RASA1: variants seen among roughly 807,000 people sequenced by gnomAD.
RASA1 encodes the protein ras GTPase-activating protein 1.
RASA1 carries 25 observed loss-of-function variants against 132.2 expected under a neutral mutation model. That is an observed-to-expected ratio of 0.19 (90% confidence interval 0.14 to 0.26). RASA1 has a LOEUF of 0.26. Among genes scored for constraint, RASA1 ranks in the 10% least tolerant of loss-of-function variants. The pLI is 1.00. For missense variants in RASA1, 964 were observed against 1,299.2 expected (o/e 0.74, Z 3.97); for synonymous variants, 477 against 449.9 (o/e 1.06, Z -0.76).
At chr5:87,342,694 CTG>C (rs1353096108) in intron 6 of RASA1, among the ~76,000 whole-genome samples, 1 of 152,088 alleles carries the variant, frequency 6.6e-6, no homozygotes, top group Non-Finnish European at 1.5e-5. Flanking sequence ...TTAGGGAAAA[CTG>C]TGGGAAGTAG....
At position 87,375,409 on chromosome 5, in the gene RASA1, C is replaced by T. The variant is rs1165750146; in HGVS notation, c.2011+493C>T. Among the ~76,000 whole-genome samples, 2 of 151,928 alleles carry T rather than the reference C, an allele frequency of 1.3e-5. 1 individual carries two copies. The highest frequency in any genetic ancestry group is 4.8e-5 in the African/African-American group (2 of 41,346). ...CTGAGTATCTGGGACTACAGGCGCC[C>T]GCCACCATACCTGGCTAAGTTTTGT... On this transcript the variant is annotated intron_variant, in intron 15 of 24. Coordinates refer to ENST00000274376, the MANE Select transcript of RASA1 (RefSeq NM_002890.3).
Position 87,268,145 on chromosome 5 carries a change from G to A in RASA1, c.-307G>A, listed in dbSNP as rs948234555. 2.3e-6 allele frequency: 1 copy of A among 438,296 alleles called. No homozygotes were observed. The highest frequency in any genetic ancestry group is 4.0e-6 in the Non-Finnish European group (1 of 248,752). The allele number at this position is 438,296 out of a possible 1,614,324, so 27.2% of individuals were successfully genotyped here. ...CTTCCTTTCCTCTTTAGTGCAGCGA[G>A]GAAGTTTTCGCTTCTGTACATGTGT... On this transcript the variant is annotated 5_prime_UTR_variant, in exon 1 of 25. Coordinates refer to ENST00000274376, the MANE Select transcript of RASA1 (RefSeq NM_002890.3).
rs1757730388 is a variant in RASA1, at chr5:87,333,285, C to T, written c.847C>T (p.Arg283Cys). The change falls in exon 4 of 25, where the codon CGT becomes TGT. Residue 283 changes from arginine to cysteine, a missense_variant. Physicochemically the swap from Arg to Cys is radical, Grantham distance 180. This residue lies in a region of RASA1 where 154 missense variants were observed against 286.5 expected (regional missense o/e 0.54). Coordinates refer to ENST00000274376, the MANE Select transcript of RASA1 (RefSeq NM_002890.3). ...TTTCTAGCCAGTAGAAGATAGAAGG[C>T]GTGTACGAGCTATTCTACCTTACAC... ...APPEPVEDRR[R>C]VRAILPYTKV... 1 of 1,612,108 alleles carries T rather than the reference C, an allele frequency of 6.2e-7. No individual in the cohort carries two copies. The highest frequency in any genetic ancestry group is 8.5e-7 in the Non-Finnish European group (1 of 1,179,288).
chr5:87,358,325 T>C (rs1307646310), intron 9 of RASA1, among the ~76,000 whole-genome samples: 1 of 152,246 alleles, frequency 6.6e-6, no homozygotes, highest in Non-Finnish European at 1.5e-5. Context: ...CTGTTTTTTA[T>C]ACATATTCAT....
In RASA1 at chr5:87,380,563, T is replaced by C. The variant is rs1319381841; in HGVS notation, c.2658T>C (p.Pro886=). 5.0e-6 allele frequency: 8 copies of C among 1,613,198 alleles called. No homozygotes were observed. The South Asian group carries it at 8.8e-5, about 18-fold the overall frequency. The change falls in exon 20 of 25, where the codon CCT becomes CCC. Residue 886 remains proline (P), a synonymous_variant. Transcript: ENST00000274376. ...AGAAATCTGTTCAGCATAAGTGGCCTACAAATACCACCATGAGAACAAGAG... is the reference window on the plus strand; with the variant it reads ...AGAAATCTGTTCAGCATAAGTGGCCCACAAATACCACCATGAGAACAAGAG... ...CLQKSVQHKW[P]TNTTMRTRVV... is the part of the protein sequence containing the mutation.
chr5:87,323,979 A>G (rs1418948342), intron 1 of RASA1, among the ~76,000 whole-genome samples: 1 of 152,126 alleles, frequency 6.6e-6, no homozygotes, highest in Non-Finnish European at 1.5e-5. Flanking sequence ...CTTTCCTGTC[A>G]TGGTGTTCTG....
chr5:87,301,814 A>G (rs554802734), intron 1 of RASA1, among the ~76,000 whole-genome samples: 1 of 152,030 alleles, frequency 6.6e-6, no homozygotes, highest in South Asian at 2.1e-4. Context: ...TTTACTATCT[A>G]TTCTTTTGTG....
At chr5:87,270,061 G>A (rs1296500709) in intron 1 of RASA1, among the ~76,000 whole-genome samples, 1 of 151,854 alleles carries the variant, frequency 6.6e-6, no homozygotes, top group Non-Finnish European at 1.5e-5. Flanking sequence ...GGCCAACCTG[G>A]TGAAACCCTG....
chr5:87,328,930 A>G (rs1026564087), intron 1 of RASA1, among the ~76,000 whole-genome samples: 1 of 151,952 alleles, frequency 6.6e-6, no homozygotes, highest in East Asian at 1.9e-4. Flanking sequence ...TAAGGATCAA[A>G]TCAACTAAGT....
chr5:87,328,339 T>C (rs1485914633), intron 1 of RASA1, among the ~76,000 whole-genome samples: 2 of 151,958 alleles, frequency 1.3e-5, no homozygotes, highest in Non-Finnish European at 2.9e-5. Context: ...TTTAAACTTA[T>C]TTGAAAACGG....
At chr5:87,312,179 A>G (rs1382451976) in intron 1 of RASA1, among the ~76,000 whole-genome samples, 2 of 152,224 alleles carry the variant, frequency 1.3e-5, no homozygotes, top group African/African-American at 2.4e-5. Flanking sequence ...GTTATTATAC[A>G]TGTGGTCAGA....
intron 9 of RASA1, among the ~76,000 whole-genome samples, chr5:87,358,422 A>G (rs539083359): frequency 8.5e-5 from 13 of 152,338 alleles, no homozygotes; most frequent in Admixed American, 5.9e-4. Flanking sequence ...TGAGAGGTTA[A>G]TAACTTAAAT....
At chr5:87,271,537 C>T (rs898000971) in intron 1 of RASA1, among the ~76,000 whole-genome samples, 1 of 117,678 alleles carries the variant, frequency 8.5e-6, no homozygotes, top group Non-Finnish European at 1.6e-5. Flanking sequence ...GGCGTGTTTT[C>T]GGCTCACTGC....
chr5:87,338,534 A>ATATATATATAT lies in RASA1; in HGVS notation c.1017+443_1017+444insTATATATATAT, dbSNP rs1561292504. Reference sequence around the variant, plus strand: ...ATATATATATATATATATATATATAAAATTTTTTTTTTTTTTAAGTAGAAA... The same window carrying ATATATATATAT: ...ATATATATATATATATATATATATAATATATATATATAATTTTTTTTTTTTTTAAGTAGAAA... On this transcript the variant is annotated intron_variant, in intron 5 of 24. Coordinates refer to ENST00000274376, the MANE Select transcript of RASA1 (RefSeq NM_002890.3). Among the ~76,000 whole-genome samples, 116 of 46,078 alleles carry ATATATATATAT rather than the reference A, an allele frequency of 2.5e-3. 6 individuals are homozygous for ATATATATATAT. The highest frequency in any genetic ancestry group is 4.7e-3 in the Non-Finnish European group (101 of 21,384). The allele number at this position is 46,078 out of a possible 152,430, so 30.2% of individuals were successfully genotyped here. A position where few individuals can be genotyped will look rare whatever the true frequency, so the allele number is the denominator to read the frequency against.
At chr5:87,313,852 A>G (rs573027861) in intron 1 of RASA1, among the ~76,000 whole-genome samples, 1 of 152,304 alleles carries the variant, frequency 6.6e-6, no homozygotes, top group African/African-American at 2.4e-5. Flanking sequence ...TTAAAGGAGT[A>G]GTGTGATCAA....
At chr5:87,271,452 CTTTTT>C (rs201918763) in intron 1 of RASA1, among the ~76,000 whole-genome samples, 1 of 38,218 alleles carries the variant, frequency 2.6e-5, no homozygotes, top group Non-Finnish European at 5.0e-5. Context: ...TAGTAGACTT[CTTTTT>C]TTTTTTTTTT....
chr5:87,305,623 A>G (rs1486735464), intron 1 of RASA1, among the ~76,000 whole-genome samples: 1 of 152,232 alleles, frequency 6.6e-6, no homozygotes, highest in Non-Finnish European at 1.5e-5. Flanking sequence ...ACAAAAGCAA[A>G]AATTGGCAAA....
intron 1 of RASA1, chr5:87,294,524 A>G (rs1479223536): frequency 2.0e-5 from 3 of 152,230 alleles, no homozygotes; most frequent in East Asian, 1.9e-4. Context: ...CATTCAAACT[A>G]TAAGTTTTCC....
intron 1 of RASA1, among the ~76,000 whole-genome samples, chr5:87,277,819 T>A (rs564381549): frequency 6.8e-4 from 103 of 152,254 alleles, no homozygotes; most frequent in African/African-American, 2.4e-3. Flanking sequence ...CCTCTTTCTT[T>A]GTTAGTCAGT....
Sources: gnomAD v4.1 joint callset for allele counts (sites outside exome capture counted in the v4.1 genomes callset) on GRCh38, gnomAD v4.1.1 for gene constraint, gnomAD v4.1.1 regional missense constraint, MANE v1.5 for transcripts, NCBI Gene and HGNC (gene_info 2026-07-23, HGNC 2026-07-21) for gene names.